Variants in KCND2 observed in about 807,000 individuals in gnomAD.
The protein encoded by KCND2 is A-type voltage-gated potassium channel KCND2.
A neutral mutation model predicts 54.4 loss-of-function variants in KCND2; 16 were observed. The observed-to-expected ratio is 0.29, with a 90% CI of 0.20 to 0.45. The LOEUF is 0.45. Among genes scored for constraint, KCND2 ranks in the 20% least tolerant of loss-of-function variants. KCND2 has a pLI of 1.00. For missense variants in KCND2, 486 were observed against 824.2 expected, an observed-to-expected ratio of 0.59 and a Z score of 5.02; for synonymous variants, 317 against 310.7, an observed-to-expected ratio of 1.02 and a Z score of -0.21.
At chr7:120,625,088 A>T (rs1376990276) in intron 1 of KCND2, among the ~76,000 whole-genome samples, 1 of 152,198 alleles carries the variant, frequency 6.6e-6, no homozygotes, top group African/African-American at 2.4e-5. Context: ...GACTTGGCCC[A>T]TACTCTGTAG....
intron 1 of KCND2, among the ~76,000 whole-genome samples, chr7:120,326,417 C>T (rs928615149): frequency 6.6e-6 from 1 of 152,006 alleles, no homozygotes; most frequent in Non-Finnish European, 1.5e-5. Flanking sequence ...AAAGTGATTA[C>T]AATAATATTC....
chr7:120,589,146 A>G (rs951640655), intron 1 of KCND2, among the ~76,000 whole-genome samples: 1 of 152,174 alleles, frequency 6.6e-6, no homozygotes, highest in South Asian at 2.1e-4. Context: ...ATAGCTATAG[A>G]CTCCATCTTT....
chr7:120,525,352 G>A (rs193269066), intron 1 of KCND2, among the ~76,000 whole-genome samples: 3 of 152,194 alleles, frequency 2.0e-5, no homozygotes, highest in Admixed American at 6.5e-5. Flanking sequence ...CAACTTACCC[G>A]CTTTGAACCT....
intron 1 of KCND2, among the ~76,000 whole-genome samples, chr7:120,591,996 G>A (rs1318627298): frequency 6.6e-6 from 1 of 152,142 alleles, no homozygotes; most frequent in Non-Finnish European, 1.5e-5. Flanking sequence ...TGAGATTCTA[G>A]GCGCTGATTA....
At chr7:120,491,950 A>G (rs1802789401) in intron 1 of KCND2, among the ~76,000 whole-genome samples, 1 of 152,162 alleles carries the variant, frequency 6.6e-6, no homozygotes, top group African/African-American at 2.4e-5. Flanking sequence ...ATTTAATTTA[A>G]ATCTAATCAA....
At chr7:120,705,842 C>A (rs1022902691) in intron 1 of KCND2, among the ~76,000 whole-genome samples, 1 of 152,138 alleles carries the variant, frequency 6.6e-6, no homozygotes, top group Admixed American at 6.6e-5. Flanking sequence ...CACTATCTCT[C>A]TGCCCATAAG....
rs1793030768 is a variant in KCND2, at chr7:120,748,273, A to G, written c.*415A>G. 1 of 162,338 alleles carries G rather than the reference A, an allele frequency of 6.2e-6. No homozygotes were observed. Among genetic ancestry groups the G allele is most frequent in the Non-Finnish European group, 1.3e-5 (1 of 74,324 alleles). The allele number at this position is 162,338 out of a possible 1,614,324, so 10.1% of individuals were successfully genotyped here. A position where few individuals can be genotyped will look rare whatever the true frequency, so the allele number is the denominator to read the frequency against. ...ATGAACATTGGCTATGATGAAGATT[A>G]TTACATATGAAAAAAAAACTCACAC... On this transcript the variant is annotated 3_prime_UTR_variant, in exon 6 of 6. Transcript: ENST00000331113.
At chr7:120,677,049 G>A (rs1267498136) in intron 1 of KCND2, among the ~76,000 whole-genome samples, 1 of 152,168 alleles carries the variant, frequency 6.6e-6, no homozygotes, top group Non-Finnish European at 1.5e-5. Context: ...TCAAGCAAGT[G>A]TGTAATCACA....
At chr7:120,561,829 C>T (rs1045439656) in intron 1 of KCND2, among the ~76,000 whole-genome samples, 3 of 151,840 alleles carry the variant, frequency 2.0e-5, no homozygotes, top group South Asian at 2.1e-4. Context: ...TCAGGCTGGC[C>T]GCGAACTCCT....
At chr7:120,516,536 G>A (rs1803199488) in intron 1 of KCND2, among the ~76,000 whole-genome samples, 1 of 152,056 alleles carries the variant, frequency 6.6e-6, no homozygotes, top group African/African-American at 2.4e-5. Flanking sequence ...AGGCTTCATA[G>A]GCTAGGACAT....
At chr7:120,621,200 G>A (rs1793093056) in intron 1 of KCND2, among the ~76,000 whole-genome samples, 1 of 147,904 alleles carries the variant, frequency 6.8e-6, no homozygotes, top group East Asian at 2.0e-4. Context: ...TTGAACCCAG[G>A]AGGCGGAGGT....
intron 1 of KCND2, among the ~76,000 whole-genome samples, chr7:120,626,605 G>T (rs891249928): frequency 6.6e-6 from 1 of 152,100 alleles, no homozygotes; most frequent in Non-Finnish European, 1.5e-5. Context: ...GTCTATAATT[G>T]ATGGCACTAA....
Position 120,475,703 on chromosome 7 carries a change from A to G in KCND2, c.1115+199956A>G, listed in dbSNP as rs567067409. The stretch of plus-strand genomic sequence containing the variant: ...CATTTGCAAGCTGCCTCATGTTAAC[A>G]ATTATCATATGGTCATGTAGCATTA... On this transcript the variant is annotated intron_variant, in intron 1 of 5. Transcript: ENST00000331113. 2.0e-5 allele frequency among the ~76,000 whole-genome samples: 3 copies of G among 152,330 alleles called. No individual in the cohort carries two copies. In the South Asian group the frequency reaches 6.2e-4, roughly 32 times the overall value.
intron 1 of KCND2, among the ~76,000 whole-genome samples, chr7:120,329,359 G>A (rs2116344567): frequency 6.6e-6 from 1 of 152,144 alleles, no homozygotes; most frequent in African/African-American, 2.4e-5. Context: ...CTGACCTCAA[G>A]TGATCCACTC....
intron 1 of KCND2, among the ~76,000 whole-genome samples, chr7:120,519,840 G>T (rs1791665923): frequency 6.6e-6 from 1 of 152,010 alleles, no homozygotes; most frequent in Non-Finnish European, 1.5e-5. Flanking sequence ...TGATCCATTT[G>T]CTTCATATTT....
At chr7:120,649,915 C>A (rs373819816) in intron 1 of KCND2, among the ~76,000 whole-genome samples, 1 of 152,174 alleles carries the variant, frequency 6.6e-6, no homozygotes, top group African/African-American at 2.4e-5. Context: ...GTTGAAAATT[C>A]TTTTCTTTAA....
Position 120,737,075 on chromosome 7 carries a change from C to CACACAA in KCND2, c.1278+4011_1278+4012insCACAAA, listed in dbSNP as rs1339876894. Among the ~76,000 whole-genome samples, 14 of 112,968 alleles carry CACACAA rather than the reference C, an allele frequency of 1.2e-4. 1 individual carries two copies. Among genetic ancestry groups the CACACAA allele is most frequent in the African/African-American group, 5.1e-4 (14 of 27,358 alleles). The allele number at this position is 112,968 out of a possible 152,430, so 74.1% of individuals were successfully genotyped here. ...ACACACACACACACACACACACACA[C>CACACAA]AAACAAAAAAAAAAAAAACAAAACA... On this transcript the variant is annotated intron_variant, in intron 2 of 5. Transcript: ENST00000331113.
At chr7:120,275,940 G>A (rs1005643845) in intron 1 of KCND2, among the ~76,000 whole-genome samples, 193 bp downstream of exon 1, 52 of 152,186 alleles carry the variant, frequency 3.4e-4, no homozygotes, top group African/African-American at 1.2e-3. Context: ...AAGTATTAAG[G>A]CATTGCTGGC....
Position 120,740,903 on chromosome 7 carries a change from G to C in KCND2, c.1279-631G>C, listed in dbSNP as rs564961520. 133 of 432,716 alleles carry C rather than the reference G, an allele frequency of 3.1e-4. No homozygotes were observed. The African/African-American group carries it at 3.4e-3, about 11-fold the overall frequency. 26.8% of individuals were successfully genotyped at this position (432,716 alleles called of 1,614,324 possible). Reference sequence around the variant, plus strand: ...AGTAGATAAATTCACAGTTGTTTTTGTTTATTTGTTTGTTTGTTTGTTTGT... The same window carrying C: ...AGTAGATAAATTCACAGTTGTTTTTCTTTATTTGTTTGTTTGTTTGTTTGT... On this transcript the variant is annotated intron_variant, in intron 2 of 5. Transcript: ENST00000331113.
Sources: gnomAD v4.1 joint callset for allele counts (sites outside exome capture counted in the v4.1 genomes callset) on GRCh38, gnomAD v4.1.1 for gene constraint, MANE v1.5 for transcripts, NCBI Gene and HGNC (gene_info 2026-07-23, HGNC 2026-07-21) for gene names.